The following HIVEP3 variants were observed in gnomAD, a reference collection of about 807,000 sequenced individuals.
The protein encoded by HIVEP3 is transcription factor HIVEP3.
A neutral mutation model predicts 152.8 loss-of-function variants in HIVEP3; 49 were observed. The ratio of observed to expected loss-of-function variants is 0.32; its 90% confidence interval spans 0.26 to 0.41. The LOEUF (loss-of-function observed/expected upper bound fraction) is 0.41, where lower values mean the gene tolerates loss of function less well. Among genes scored for constraint, HIVEP3 ranks in the 10% least tolerant of loss-of-function variants. The pLI is 1.00. For synonymous variants in HIVEP3, 1,269 were observed against 1,289.0 expected, an observed-to-expected ratio of 0.98 and a Z score of 0.33; for missense variants, 2,790 against 3,103.3, an observed-to-expected ratio of 0.90 and a Z score of 2.40.
At chr1:41,886,294 A>T (rs890348957) in intron 1 of HIVEP3, among the ~76,000 whole-genome samples, 2 of 152,190 alleles carry the variant, frequency 1.3e-5, no homozygotes, top group African/African-American at 4.8e-5. Context: ...TGCAAAGTCA[A>T]GTGATTGTTA....
chr1:42,000,864 T>A (rs1016042819), intron 1 of HIVEP3, among the ~76,000 whole-genome samples: 1 of 152,226 alleles, frequency 6.6e-6, no homozygotes, highest in Admixed American at 6.5e-5. Flanking sequence ...AGCTCTTGTG[T>A]CTTACATTAG....
At chr1:41,912,805 G>A (rs1158949322) in intron 1 of HIVEP3, among the ~76,000 whole-genome samples, 1 of 152,242 alleles carries the variant, frequency 6.6e-6, no homozygotes, top group Non-Finnish European at 1.5e-5. Flanking sequence ...ACAGTCAGGG[G>A]AAGTTTCTAA....
At chr1:41,568,384 A>C (rs991299999) in intron 5 of HIVEP3, among the ~76,000 whole-genome samples, 1 of 152,268 alleles carries the variant, frequency 6.6e-6, no homozygotes, top group African/African-American at 2.4e-5. Flanking sequence ...TGTCTTACAA[A>C]GAGCAGAGCT....
chr1:41,734,029 A>C (rs1313004674), intron 1 of HIVEP3, among the ~76,000 whole-genome samples: 1 of 151,672 alleles, frequency 6.6e-6, no homozygotes, highest in East Asian at 1.9e-4. Flanking sequence ...GCAAGGTGCA[A>C]CTCAGCCCTC....
chr1:41,767,342 A>G (rs1472947101), intron 1 of HIVEP3, among the ~76,000 whole-genome samples: 1 of 152,246 alleles, frequency 6.6e-6, no homozygotes, highest in Non-Finnish European at 1.5e-5. Flanking sequence ...CCCAACCGCT[A>G]GAGCTCTGGT....
At chr1:41,568,137 C>T (rs981622503) in intron 5 of HIVEP3, among the ~76,000 whole-genome samples, 1 of 152,252 alleles carries the variant, frequency 6.6e-6, no homozygotes, top group African/African-American at 2.4e-5. Flanking sequence ...TTCCTGCCCT[C>T]TCACAGAGCT....
At chr1:41,752,512 A>T (rs953419393) in intron 1 of HIVEP3, among the ~76,000 whole-genome samples, 2 of 152,328 alleles carry the variant, frequency 1.3e-5, no homozygotes, top group Admixed American at 1.3e-4. Flanking sequence ...AACCCAGCCT[A>T]GGGGGCTGAG....
rs1333687881 is a variant in HIVEP3, at chr1:41,662,886, C to A, written c.-720-33939G>T. Among the ~76,000 whole-genome samples the A allele has an allele frequency of 3.3e-5, 5 of 152,062 alleles. No individual in the cohort carries two copies. Among genetic ancestry groups the A allele is most frequent in the African/African-American group, 1.2e-4 (5 of 41,458 alleles). On this transcript the variant is annotated intron_variant, in intron 2 of 8. Transcript: ENST00000372583. The surrounding 1 kb of genome is among the most constrained non-coding windows in gnomAD (Gnocchi z 7.2). ...AAAGTGTGCGCTCCCCGCCTTCCCC[C>A]TGGGTGCCAGCCGGGCTCCGGGAAG... is the stretch of plus-strand genomic sequence containing the variant.
In HIVEP3 at chr1:41,512,976, C is replaced by G; in HGVS notation, c.6245G>C (p.Arg2082Pro). ...GGCCCACTTCCCTGGCGGCGCTGACCGTGGTGGTGACTCGGCCTGACCTGG... is the reference window on the plus strand; with the variant it reads ...GGCCCACTTCCCTGGCGGCGCTGACGGTGGTGGTGACTCGGCCTGACCTGG... ...WSPGQAESPP[R>P]SAPPGKWALA... The change falls in exon 8 of 9, where the codon CGG becomes CCG. Residue 2082 changes from arginine (R) to proline (P), a missense_variant. Arg to Pro is a moderately radical substitution (Grantham distance 103). Transcript: ENST00000372583. 6.2e-7 allele frequency: 1 copy of G among 1,612,876 alleles called. No individual in the cohort carries two copies. The highest frequency in any genetic ancestry group is 8.5e-7 in the Non-Finnish European group (1 of 1,179,558).
chr1:41,917,300 C>T (rs1644885684), intron 1 of HIVEP3, among the ~76,000 whole-genome samples: 1 of 152,080 alleles, frequency 6.6e-6, no homozygotes, highest in African/African-American at 2.4e-5. Flanking sequence ...CTTTCCTCTT[C>T]CCTCCCCCCG....
In HIVEP3 at chr1:41,583,361, G is replaced by C. The variant is rs2984694; in HGVS notation, c.1437C>G (p.Ser479Arg). ...GCCTTGGCTTCACGCTGTCGATCTC[G>C]CTGGTGTCCACCACGGCCTCGTTGA... ...ITINEAVVDT[S>R]EIDSVKPRRS... The change falls in exon 4 of 9, where the codon AGC becomes AGG. Residue 479 changes from serine to arginine, a missense_variant. Around this residue, in one of 9 missense-constraint regions of HIVEP3, gnomAD observed 134 missense variants for 242.5 expected, o/e 0.55. Coordinates refer to ENST00000372583, the MANE Select transcript of HIVEP3 (RefSeq NM_024503.5). The surrounding 1 kb of genome is among the most constrained non-coding windows in gnomAD (Gnocchi z 6.9). 4 of 1,612,732 alleles carry C rather than the reference G, an allele frequency of 2.5e-6. No homozygotes were observed. Among genetic ancestry groups the C allele is most frequent in the Non-Finnish European group, 3.4e-6 (4 of 1,179,252 alleles).
chr1:41,653,976 A>C (rs1326879151), intron 2 of HIVEP3, among the ~76,000 whole-genome samples: 14 of 151,376 alleles, frequency 9.2e-5, no homozygotes, highest in African/African-American at 2.9e-4. Context: ...AAAAAAAAAA[A>C]AAAAAACCAG....
At chr1:41,525,128 A>T (rs1642863347) in intron 5 of HIVEP3, among the ~76,000 whole-genome samples, 2 of 152,114 alleles carry the variant, frequency 1.3e-5, no homozygotes, top group South Asian at 4.1e-4. Context: ...GGGGGGTTGC[A>T]CTATTCTTCC....
In HIVEP3 at chr1:41,513,043, C is replaced by G. The variant is rs1179896477; in HGVS notation, c.6178G>C (p.Asp2060His). ...GGCGAGTATCTGGGGAGGCCTGGGT[C>G]GGTGGTACCCTCGAGTTTGGAGAGC... ...HVLSKLEGTT[D>H]PGLPRYSPTR... is the part of the protein sequence containing the mutation. Residue 2060 changes from aspartate (D) to histidine (H), a missense_variant, in exon 8 of 9, where the codon GAC (aspartate) becomes CAC (histidine). By Grantham distance (81) the Asp-to-His change is moderately conservative (BLOSUM62 -1). Transcript: ENST00000372583. 2 of 1,613,576 alleles carry G rather than the reference C, an allele frequency of 1.2e-6. No individual in the cohort carries two copies. The highest frequency in any genetic ancestry group is 1.7e-5 in the Admixed American group (1 of 59,996).
chr1:41,525,900 C>G (rs746477180), intron 5 of HIVEP3, among the ~76,000 whole-genome samples: 2 of 152,090 alleles, frequency 1.3e-5, no homozygotes, highest in Non-Finnish European at 2.9e-5. Flanking sequence ...AGGAGAAGAG[C>G]CTTCTGACTC....
intron 1 of HIVEP3, among the ~76,000 whole-genome samples, chr1:42,033,263 C>T (rs532786951): frequency 2.9e-4 from 44 of 152,296 alleles, no homozygotes; most frequent in Admixed American, 6.5e-4. Context: ...CCCTATAATG[C>T]TCCTCACATG....
intron 1 of HIVEP3, among the ~76,000 whole-genome samples, chr1:41,997,257 T>G (rs187927610): frequency 4.6e-5 from 7 of 152,320 alleles, no homozygotes; most frequent in African/African-American, 1.7e-4. Flanking sequence ...ACCCAACCTC[T>G]CAATGGAAGG....
intron 1 of HIVEP3, chr1:41,848,523 G>A (rs1358363982): frequency 6.6e-6 from 1 of 152,210 alleles, no homozygotes; most frequent in Non-Finnish European, 1.5e-5. Context: ...ATAGACATGA[G>A]ATAAGGAGGA....
chr1:41,692,452 A>G (rs1032286746), intron 2 of HIVEP3, among the ~76,000 whole-genome samples: 1 of 152,226 alleles, frequency 6.6e-6, no homozygotes, highest in Non-Finnish European at 1.5e-5. Context: ...CCTGAGTTCA[A>G]TATTAATGAA....
Sources: allele counts gnomAD v4.1 joint callset (sites outside exome capture counted in the v4.1 genomes callset), GRCh38; gene constraint gnomAD v4.1.1; regional missense constraint gnomAD v4.1.1; non-coding constraint Gnocchi (gnomAD v3.1); transcripts MANE v1.5; gene names NCBI Gene and HGNC (gene_info 2026-07-23, HGNC 2026-07-21).